Variants in CD8B observed in about 807,000 individuals in gnomAD.
CD8B encodes T-cell surface glycoprotein CD8 beta chain.
Under a neutral mutation model 24.2 loss-of-function variants are expected in CD8B, and 6 were observed. That is an observed-to-expected ratio of 0.25 (90% confidence interval 0.14 to 0.49). The LOEUF (loss-of-function observed/expected upper bound fraction) is 0.49, where lower values mean the gene tolerates loss of function less well. CD8B is among the 20% of genes least tolerant of loss of function. The pLI is 0.98. For synonymous variants in CD8B, 84 were observed against 108.3 expected (o/e 0.78, Z 1.39); for missense variants, 196 against 271.3 (o/e 0.72, Z 1.95).
chr2:86,837,931 C>A (rs537351030), downstream of CD8B, among the ~76,000 whole-genome samples: 418 of 151,874 alleles, frequency 2.8e-3, 4 homozygotes, highest in African/African-American at 9.7e-3. Context: ...TGGAGTGCAG[C>A]CCACCCCTGC....
At chr2:86,821,504 C>T (rs1193015194) in intron 5 of CD8B, among the ~76,000 whole-genome samples, 2 of 152,152 alleles carry the variant, frequency 1.3e-5, no homozygotes, top group Admixed American at 1.3e-4. Context: ...CCTTGTCCTG[C>T]GGACACACTT....
intron 5 of CD8B, chr2:86,815,857 C>T (rs1674222514): frequency 3.0e-6 from 2 of 660,154 alleles, no homozygotes; most frequent in Non-Finnish European, 5.5e-6. Context: ...AAGAGCCAGG[C>T]ATATAGCACT....
chr2:86,846,927 ATTTTTTTTTTTT>A (rs60980294), intron 3 of CD8B, among the ~76,000 whole-genome samples, 154 bp from the exon 4 acceptor site: 1 of 58,858 alleles, frequency 1.7e-5, no homozygotes, highest in African/African-American at 7.6e-5. Flanking sequence ...TTCCTCAAGT[ATTTTTTTTTTTT>A]TTTTTTTTTT....
At chr2:86,818,682 CT>C (rs1170168787) in intron 5 of CD8B, among the ~76,000 whole-genome samples, 1 of 152,174 alleles carries the variant, frequency 6.6e-6, no homozygotes, top group Admixed American at 6.5e-5. Flanking sequence ...TTAGGCCCCC[CT>C]ATGCCCTGAG....
intron 1 of CD8B, among the ~76,000 whole-genome samples, chr2:86,859,107 C>G (rs1268286347): frequency 6.6e-6 from 1 of 151,954 alleles, no homozygotes; most frequent in Admixed American, 6.6e-5. Flanking sequence ...TCCAAACTGC[C>G]GAAGGAGACC....
chr2:86,830,078 T>C (rs1269552569), intron 5 of CD8B, among the ~76,000 whole-genome samples: 10 of 152,188 alleles, frequency 6.6e-5, no homozygotes, highest in Non-Finnish European at 1.5e-5. Flanking sequence ...TTTTTCTTTT[T>C]TTTGAGACAA....
chr2:86,834,794 G>C (rs1386657982), downstream of CD8B, among the ~76,000 whole-genome samples: 3 of 151,946 alleles, frequency 2.0e-5, no homozygotes, highest in Admixed American at 2.0e-4. Flanking sequence ...AAATTAGCTG[G>C]GCATGATGGC....
rs1676197621 is a variant in CD8B at position 86,855,645 on chromosome 2, G to T, written c.403+2412C>A. Among the ~76,000 whole-genome samples the T allele has an allele frequency of 2.6e-5, 4 of 152,372 alleles. No homozygotes were observed. In the South Asian group the frequency reaches 6.2e-4, roughly 24 times the overall value. On this transcript the variant is annotated intron_variant, in intron 2 of 5. Coordinates refer to ENST00000390655, the MANE Select transcript of CD8B (RefSeq NM_004931.5). ...GTGCTGAGGGCAACTATTGTAAGAG[G>T]AAACTGTCATCAGCAGGGTCGGAGA...
intron 5 of CD8B, among the ~76,000 whole-genome samples, chr2:86,828,226 G>A (rs72847703): frequency 0.26 from 38,716 of 151,718 alleles, 5,511 homozygotes; most frequent in Non-Finnish European, 0.33. Context: ...TAAACAACAT[G>A]TAAAAATATG....
intron 3 of CD8B, among the ~76,000 whole-genome samples, chr2:86,852,475 G>C (rs905540649): frequency 6.6e-6 from 1 of 151,626 alleles, no homozygotes; most frequent in Non-Finnish European, 1.5e-5. Flanking sequence ...TACCCATTAG[G>C]AATCACTCCC....
At position 86,858,123 on chromosome 2, in the gene CD8B, T is replaced by C. The variant is rs1368246577; in HGVS notation, c.337A>G (p.Ile113Val). The C allele has an allele frequency of 1.2e-6, 2 of 1,613,998 alleles. No homozygotes were observed. The highest frequency in any genetic ancestry group is 1.7e-6 in the Non-Finnish European group (2 of 1,179,864). The part of the protein sequence containing the change: ...LTSVKPEDSG[I>V]YFCMIVGSPE... ...CTCCCGACGATCATGCAGAAGTAGA[T>C]GCCACTGTCTTCCGGCTTCACGCTT... The change falls in exon 2 of 6, where the codon ATC becomes GTC. Residue 113 changes from isoleucine to valine, a missense_variant. By Grantham distance (29) the Ile-to-Val change is conservative (BLOSUM62 3). Transcript: ENST00000390655.
chr2:86,855,537 G>A (rs1193613965), intron 2 of CD8B, among the ~76,000 whole-genome samples: 4 of 152,172 alleles, frequency 2.6e-5, no homozygotes, highest in Non-Finnish European at 5.9e-5. Flanking sequence ...TGTGCTTCTC[G>A]TTCTGCCACA....
chr2:86,834,488 A>AC (rs199775749), downstream of CD8B, among the ~76,000 whole-genome samples: 8 of 142,228 alleles, frequency 5.6e-5, no homozygotes, highest in African/African-American at 1.0e-4. Context: ...ACACACACAC[A>AC]AAAGTCTTAA....
chr2:86,843,765 G>A (rs1254203539), intron 5 of CD8B: 4 of 665,286 alleles, frequency 6.0e-6, no homozygotes, highest in Non-Finnish European at 7.4e-6. Context: ...ACCCCAGTGA[G>A]TCCTCACACT....
rs1216945250 is a variant in CD8B, at chr2:86,840,945, C to A, written c.*1362G>T. Among the ~76,000 whole-genome samples, 10 of 152,158 alleles carry A rather than the reference C, an allele frequency of 6.6e-5. No individual in the cohort carries two copies. The highest frequency in any genetic ancestry group is 6.5e-4 in the Admixed American group (10 of 15,278). ...TACATTCTGTGGTTGTCACAGGTAACTGAACATAACCTGATTTGTCAATGT... is the reference window on the plus strand; with the variant it reads ...TACATTCTGTGGTTGTCACAGGTAAATGAACATAACCTGATTTGTCAATGT... On this transcript the variant is annotated 3_prime_UTR_variant, in exon 6 of 6. Coordinates refer to ENST00000390655, the MANE Select transcript of CD8B (RefSeq NM_004931.5).
At chr2:86,845,643 C>T (rs1445321321) in intron 4 of CD8B, among the ~76,000 whole-genome samples, 4 of 152,178 alleles carry the variant, frequency 2.6e-5, no homozygotes, top group Admixed American at 6.5e-5. Flanking sequence ...TAAGTAAATA[C>T]AGCCAACTGC....
intron 5 of CD8B, among the ~76,000 whole-genome samples, chr2:86,831,599 ATC>A (rs1160511092): frequency 6.6e-6 from 1 of 152,226 alleles, no homozygotes; most frequent in East Asian, 1.9e-4. Context: ...GCTTTCCTCT[ATC>A]TCTGCAATTT....
At chr2:86,816,916 A>G (rs1296675044) in intron 5 of CD8B, among the ~76,000 whole-genome samples, 2 of 152,222 alleles carry the variant, frequency 1.3e-5, no homozygotes, top group Non-Finnish European at 2.9e-5. Context: ...GACAAGTCTC[A>G]AATTAGTAGA....
Position 86,842,022 on chromosome 2 carries a change from C to A in CD8B, c.*285G>T. 5.1e-6 allele frequency: 6 copies of A among 1,178,904 alleles called. No individual in the cohort carries two copies. The highest frequency in any genetic ancestry group is 6.3e-6 in the Non-Finnish European group (6 of 951,362). 73.0% of individuals were successfully genotyped at this position (1,178,904 alleles called of 1,614,324 possible). ...TCCCAGTTCAGGGAAAGCACAGGAG[C>A]CGGAAGCGGTGGCATGGGCAGCATT... On this transcript the variant is annotated 3_prime_UTR_variant, in exon 6 of 6. Transcript: ENST00000390655.
Sources: allele counts gnomAD v4.1 joint callset (sites outside exome capture counted in the v4.1 genomes callset), GRCh38; gene constraint gnomAD v4.1.1; transcripts MANE v1.5; gene names NCBI Gene and HGNC (gene_info 2026-07-23, HGNC 2026-07-21).